MUC5AC: variants seen among roughly 807,000 people sequenced by gnomAD.
The protein encoded by MUC5AC is mucin-5AC.
MUC5AC carries 158 observed loss-of-function variants against 169.7 expected under a neutral mutation model. The ratio of observed to expected loss-of-function variants is 0.93; its 90% CI spans 0.82 to 1.06. The LOEUF is 1.06. Among genes scored for constraint, MUC5AC ranks in the 50% least tolerant of loss-of-function variants. The pLI, the probability that MUC5AC is intolerant of heterozygous loss-of-function variation, is 0.00. For synonymous variants in MUC5AC, 1,975 were observed against 1,237.0 expected, an observed-to-expected ratio of 1.60 and a Z score of -12.52; for missense variants, 4,359 against 3,089.9, an observed-to-expected ratio of 1.41 and a Z score of -9.74.
At chr11:1,179,334 TGG>T in intron 26 of MUC5AC, 86 bp downstream of exon 26, 1 of 311,232 alleles carries the variant, frequency 3.2e-6, no homozygotes, top group South Asian at 7.9e-5. Flanking sequence ...GTGGGGTGTG[TGG>T]GGCGGGTGGG....
At position 1,164,153 on chromosome 11, in the gene MUC5AC, G is replaced by T; in HGVS notation, c.837G>T (p.Val279=). The change falls in exon 8 of 49, where the codon GTG becomes GTT. Residue 279 remains valine, a synonymous_variant. Transcript: ENST00000621226. The stretch of plus-strand genomic sequence containing the variant: ...ACGGCCAGCTGTTCTCTGGCTGCGT[G>T]GCCCTGGTGGACGTCGGCAGCTACC... The part of the protein sequence containing the change: ...LLHGQLFSGC[V]ALVDVGSYLE... 6.2e-7 allele frequency: 1 copy of T among 1,612,456 alleles called. No individual in the cohort carries two copies. The highest frequency in any genetic ancestry group is 8.5e-7 in the Non-Finnish European group (1 of 1,179,872).
At position 1,165,337 on chromosome 11, in the gene MUC5AC, G is replaced by A; in HGVS notation, c.1165G>A (p.Val389Ile). 1 of 1,612,370 alleles carries A rather than the reference G, an allele frequency of 6.2e-7. No individual in the cohort carries two copies. The highest frequency in any genetic ancestry group is 1.3e-5 in the African/African-American group (1 of 75,054). Residue 389 changes from valine to isoleucine, a missense_variant, in exon 10 of 49, where the codon GTC becomes ATC. Val to Ile is a conservative substitution (Grantham distance 29, BLOSUM62 3). Coordinates refer to ENST00000621226, the MANE Select transcript of MUC5AC (RefSeq NM_001304359.2). The stretch of plus-strand genomic sequence containing the variant: ...TGACGACATCGGCCAGACCGGCTGT[G>A]TCCCTGTGTCAAAGTGTGCCTGCGT... Reference protein sequence around the residue: ...VLDDIGQTGCVPVSKCACVYN... With the variant: ...VLDDIGQTGCIPVSKCACVYN...
At position 1,192,262 on chromosome 11, in the gene MUC5AC, A is replaced by G. The variant is rs753503101; in HGVS notation, c.14117A>G (p.Gln4706Arg). The part of the protein sequence containing the change: ...SREEGLVCRN[Q>R]DQQGPFKMCL... ...GAAGAGGGCCTGGTGTGCCGGAACC[A>G]GGACCAGCAGGGACCCTTCAAGATG... is the stretch of plus-strand genomic sequence containing the variant. The change falls in exon 31 of 49, where the codon CAG becomes CGG. Residue 4706 changes from glutamine (Q) to arginine (R), a missense_variant. Gln to Arg is a conservative substitution (Grantham distance 43). Coordinates refer to ENST00000621226, the MANE Select transcript of MUC5AC (RefSeq NM_001304359.2). 2.6e-6 allele frequency: 2 copies of G among 765,112 alleles called. No homozygotes were observed. Among genetic ancestry groups the G allele is most frequent in the Middle Eastern group, 2.3e-4 (1 of 4,440 alleles). 47.4% of individuals were successfully genotyped at this position (765,112 alleles called of 1,614,324 possible). A position where few individuals can be genotyped will look rare whatever the true frequency, so the allele number is the denominator to read the frequency against.
At chr11:1,173,898 ATTACTCATCCACTCAC>A (rs1274577737) in intron 16 of MUC5AC, among the ~76,000 whole-genome samples, 2 of 141,116 alleles carry the variant, frequency 1.4e-5, no homozygotes, top group East Asian at 2.1e-4. Context: ...TCATCCACTC[ATTACTCATCCACTCAC>A]TTACTCATCC....
Position 1,201,017 on chromosome 11 carries a change from G to A in MUC5AC, c.*315G>A. The A allele has an allele frequency of 3.7e-6, 1 of 271,030 alleles. No individual in the cohort carries two copies. The highest frequency in any genetic ancestry group is 6.9e-6 in the Non-Finnish European group (1 of 144,216). The allele number at this position is 271,030 out of a possible 1,614,324, so 16.8% of individuals were successfully genotyped here. A position where few individuals can be genotyped will look rare whatever the true frequency, so the allele number is the denominator to read the frequency against. ...GGTCTCAGGAATGACGCTTGGACAT[G>A]GTGATCAGCTGCCTGGTGGCTGCAG... On this transcript the variant is annotated 3_prime_UTR_variant, in exon 49 of 49. Transcript: ENST00000621226.
intron 20 of MUC5AC, 114 bp from the exon 21 acceptor site, chr11:1,176,400 C>T (rs1374341085): frequency 2.0e-5 from 8 of 398,628 alleles, no homozygotes; most frequent in South Asian, 1.3e-4. Flanking sequence ...CATGCGCTCC[C>T]GGACTCCCTG....
At chr11:1,165,090 G>C (rs928298666) in intron 9 of MUC5AC, among the ~76,000 whole-genome samples, 3 of 146,140 alleles carry the variant, frequency 2.1e-5, no homozygotes, top group Non-Finnish European at 3.0e-5. Context: ...CCCTGTCCTG[G>C]CCCCCTGAGG....
At chr11:1,168,100 C>T (rs1019777495) in intron 12 of MUC5AC, 113 bp downstream of exon 12, 11 of 895,318 alleles carry the variant, frequency 1.2e-5, no homozygotes, top group African/African-American at 9.9e-5. Context: ...GAGGCGGGGA[C>T]CCTCTGGCAA....
At chr11:1,159,073 C>A (rs1860047617) in intron 1 of MUC5AC, among the ~76,000 whole-genome samples, 1 of 151,802 alleles carries the variant, frequency 6.6e-6, no homozygotes, top group Admixed American at 6.6e-5. Context: ...CAGGCCTGGG[C>A]TGGGACTAGA....
rs1238183973 is a variant in MUC5AC at position 1,187,307 on chromosome 11, G to A, written c.9162G>A (p.Ser3054=). The change falls in exon 31 of 49, where the codon TCG becomes TCA. Residue 3054 remains serine (S), a synonymous_variant. Coordinates refer to ENST00000621226, the MANE Select transcript of MUC5AC (RefSeq NM_001304359.2). ...TTSSPQTSTT[S]ASTTSITSGP... is the part of the protein sequence containing the mutation. ...CCTCTCCACAGACCAGCACAACCTC[G>A]GCTTCTACCACCAGCATAACTTCTG... 2.6e-5 allele frequency: 17 copies of A among 660,600 alleles called. No individual in the cohort carries two copies. The highest frequency in any genetic ancestry group is 9.0e-5 in the Admixed American group (4 of 44,650). The allele number at this position is 660,600 out of a possible 1,614,324, so 40.9% of individuals were successfully genotyped here. A position where few individuals can be genotyped will look rare whatever the true frequency, so the allele number is the denominator to read the frequency against.
At chr11:1,158,601 G>T (rs1424001843) in intron 1 of MUC5AC, among the ~76,000 whole-genome samples, 1 of 152,212 alleles carries the variant, frequency 6.6e-6, no homozygotes, top group Admixed American at 6.5e-5. Flanking sequence ...CCGCCCTGAG[G>T]CTAAGAGGGT....
chr11:1,164,285 G>T lies in MUC5AC; in HGVS notation c.969G>T (p.Gly323=), dbSNP rs776611292. 9.9e-6 allele frequency: 16 copies of T among 1,612,394 alleles called. No individual in the cohort carries two copies. The African/African-American group carries it at 1.6e-4, about 16-fold the overall frequency. Residue 323 remains glycine (G), a synonymous_variant, in exon 8 of 49, where the codon GGG becomes GGT. Coordinates refer to ENST00000621226, the MANE Select transcript of MUC5AC (RefSeq NM_001304359.2). ...EYSRQCTHAG[G]LPQDWRGPDF... ...CCCGGCAGTGCACCCATGCAGGGGG[G>T]TTGCCCCAGGACTGGCGGGGCCCTG...
intron 10 of MUC5AC, 31 bp downstream of exon 10, chr11:1,165,450 G>C (rs775223156): frequency 6.2e-7 from 1 of 1,604,524 alleles, no homozygotes; most frequent in Non-Finnish European, 8.5e-7. Flanking sequence ...AGGCCACCAA[G>C]GATGTGCTAT....
rs1861330119 is a variant in MUC5AC at position 1,198,065 on chromosome 11, TG to T, written c.16135+67del. 6 of 637,548 alleles carry T rather than the reference TG, an allele frequency of 9.4e-6. No homozygotes were observed. In the Middle Eastern group the frequency reaches 7.7e-4, roughly 81 times the overall value. The allele number at this position is 637,548 out of a possible 1,614,324, so 39.5% of individuals were successfully genotyped here. A position where few individuals can be genotyped will look rare whatever the true frequency, so the allele number is the denominator to read the frequency against. On this transcript the variant is annotated intron_variant, in intron 42 of 48. Transcript: ENST00000621226. ...GGGCTGGGGTCTCCACCTGGGATTT[TG>T]GGGGGCCATAACCAGATGCCAGTGC...
In MUC5AC at chr11:1,191,680, C is replaced by G. The variant is rs79008129; in HGVS notation, c.13535C>G (p.Thr4512Ser). The change falls in exon 31 of 49, where the codon ACT (threonine) becomes AGT (serine). Residue 4512 changes from threonine (T) to serine (S), a missense_variant. Thr to Ser is a moderately conservative substitution (Grantham distance 58, BLOSUM62 1). Coordinates refer to ENST00000621226, the MANE Select transcript of MUC5AC (RefSeq NM_001304359.2). Reference protein sequence around the residue: ...TASTTSGPGTTPSPVPTTSTT... With the variant: ...TASTTSGPGTSPSPVPTTSTT... ...AGCACAACCTCTGGTCCTGGAACTA[C>G]TCCCAGCCCTGTTCCCACCACCAGC... 5.7e-6 allele frequency: 4 copies of G among 706,816 alleles called. 1 individual carries two copies. The highest frequency in any genetic ancestry group is 1.0e-5 in the Non-Finnish European group (4 of 388,920). The allele number at this position is 706,816 out of a possible 1,614,324, so 43.8% of individuals were successfully genotyped here.
At chr11:1,159,598 C>A (rs145666725) in intron 1 of MUC5AC, among the ~76,000 whole-genome samples, 1 of 28,290 alleles carries the variant, frequency 3.5e-5, no homozygotes, top group Non-Finnish European at 7.5e-5. Context: ...CGGGGCTGTG[C>A]GGGGCTGTGC....
At position 1,189,352 on chromosome 11, in the gene MUC5AC, C is replaced by G. The variant is rs1861026239; in HGVS notation, c.11207C>G (p.Thr3736Arg). 1.8e-6 allele frequency: 1 copy of G among 571,022 alleles called. No individual in the cohort carries two copies. The highest frequency in any genetic ancestry group is 3.1e-6 in the Non-Finnish European group (1 of 322,680). The allele number at this position is 571,022 out of a possible 1,614,324, so 35.4% of individuals were successfully genotyped here. ...SSTTSAPTTS[T>R]ISAPTTSTIS... ...ACAACCTCGGCTCCTACCACCAGCA[C>G]AATCTCTGCCCCTACAACCAGCACA... The change falls in exon 31 of 49, where the codon ACA (threonine) becomes AGA (arginine). Residue 3736 changes from threonine (T) to arginine (R), a missense_variant. Physicochemically the swap from Thr to Arg is moderately conservative, Grantham distance 71. Coordinates refer to ENST00000621226, the MANE Select transcript of MUC5AC (RefSeq NM_001304359.2).
Position 1,190,878 on chromosome 11 carries a change from C to G in MUC5AC, c.12733C>G (p.Pro4245Ala), listed in dbSNP as rs1295166416. Residue 4245 changes from proline (P) to alanine (A), a missense_variant, in exon 31 of 49, where the codon CCT (proline) becomes GCT (alanine). Pro to Ala is a conservative substitution (Grantham distance 27). Transcript: ENST00000621226. Reference protein sequence around the residue: ...SASTTSTTSAPTTSTTSGPGT... With the variant: ...SASTTSTTSAATTSTTSGPGT... Reference sequence around the variant, plus strand: ...CTCTACAACCAGCACAACTTCTGCTCCTACAACCAGCACAACCTCTGGTCC... The same window carrying G: ...CTCTACAACCAGCACAACTTCTGCTGCTACAACCAGCACAACCTCTGGTCC... The G allele has an allele frequency of 1.6e-5, 12 of 741,340 alleles. No homozygotes were observed. In the East Asian group the frequency reaches 3.0e-4, roughly 19 times the overall value. 45.9% of individuals were successfully genotyped at this position (741,340 alleles called of 1,614,324 possible).
rs1187110290 is a variant in MUC5AC at position 1,186,928 on chromosome 11, C to A, written c.8783C>A (p.Thr2928Asn). The change falls in exon 31 of 49, where the codon ACT (threonine) becomes AAT (asparagine). Residue 2928 changes from threonine to asparagine, a missense_variant. Coordinates refer to ENST00000621226, the MANE Select transcript of MUC5AC (RefSeq NM_001304359.2). ...SAPTSSTTSA[T>N]TTSTISVPTT... Reference sequence around the variant, plus strand: ...CCTACAAGCAGCACAACCTCAGCTACTACAACCAGCACAATCTCTGTTCCT... The same window carrying A: ...CCTACAAGCAGCACAACCTCAGCTAATACAACCAGCACAATCTCTGTTCCT... 1 of 725,332 alleles carries A rather than the reference C, an allele frequency of 1.4e-6. No homozygotes were observed. The highest frequency in any genetic ancestry group is 2.5e-6 in the Non-Finnish European group (1 of 397,774). The allele number at this position is 725,332 out of a possible 1,614,324, so 44.9% of individuals were successfully genotyped here.
Sources: gnomAD v4.1 joint callset for allele counts (sites outside exome capture counted in the v4.1 genomes callset) on GRCh38, gnomAD v4.1.1 for gene constraint, MANE v1.5 for transcripts, NCBI Gene and HGNC (gene_info 2026-07-23, HGNC 2026-07-21) for gene names.